Variants in ADCY2 observed in about 807,000 individuals in gnomAD.
ADCY2 encodes the protein adenylate cyclase type 2.
Under a neutral mutation model 125.2 loss-of-function variants are expected in ADCY2, and 31 were observed. The observed-to-expected ratio is 0.25, with a 90% confidence interval of 0.19 to 0.33. ADCY2 has a LOEUF of 0.33. Ranked by LOEUF, ADCY2 falls within the 10% of genes least tolerant of loss-of-function variation. The probability of loss-of-function intolerance (pLI) is 1.00; values close to 1 mark genes in which losing one functional copy is unlikely to be tolerated. For synonymous variants in ADCY2, 512 were observed against 548.4 expected, an observed-to-expected ratio of 0.93 and a Z score of 0.93; for missense variants, 904 against 1,418.2, an observed-to-expected ratio of 0.64 and a Z score of 5.82.
At chr5:7,814,440 G>A (rs560941974) in intron 22 of ADCY2, among the ~76,000 whole-genome samples, 2 of 152,214 alleles carry the variant, frequency 1.3e-5, no homozygotes, top group African/African-American at 4.8e-5. Context: ...AGAGGCCAGG[G>A]ATGGTGTTAA....
In ADCY2 at chr5:7,695,863, G is replaced by T. The variant is rs775371186; in HGVS notation, c.981G>T (p.Lys327Asn). Reference protein sequence around the residue: ...ELFGKFDQIAKENECMRIKIL... With the variant: ...ELFGKFDQIANENECMRIKIL... ...TTGGAAAGTTTGATCAAATTGCAAA[G>T]GTGAGTATTATGGATTCTTTTCTTC... is the stretch of plus-strand genomic sequence containing the variant. Residue 327 changes from lysine (K) to asparagine (N), a missense_variant and splice_region_variant, in exon 6 of 25, where the codon AAG becomes AAT. Lys to Asn is a moderately conservative substitution (Grantham distance 94). Coordinates refer to ENST00000338316, the MANE Select transcript of ADCY2 (RefSeq NM_020546.3). 2 of 1,599,836 alleles carry T rather than the reference G, an allele frequency of 1.3e-6. No individual in the cohort carries two copies. The highest frequency in any genetic ancestry group is 4.5e-5 in the East Asian group (2 of 44,560).
intron 3 of ADCY2, among the ~76,000 whole-genome samples, chr5:7,536,783 A>T (rs1327135124): frequency 7.1e-6 from 1 of 141,000 alleles, no homozygotes; most frequent in African/African-American, 2.7e-5. Flanking sequence ...AGGAGAACAC[A>T]GGGACACAGG....
intron 5 of ADCY2, among the ~76,000 whole-genome samples, chr5:7,693,413 G>GTTTTTTTTTTTTTTTTTTTT (rs70940751): frequency 8.6e-4 from 28 of 32,400 alleles, no homozygotes; most frequent in South Asian, 2.2e-3. Context: ...GCTGTTTTTT[G>GTTTTTTTTTTTTTTTTTTTT]TTTTTTTTTT....
intron 4 of ADCY2, among the ~76,000 whole-genome samples, chr5:7,673,286 A>ATATATATATATATATATATAT (rs58505229): frequency 3.3e-4 from 18 of 53,860 alleles, no homozygotes; most frequent in East Asian, 7.9e-4. Context: ...ATATATATAT[A>ATATATATATATATATATATAT]AAATTAGCCA....
At chr5:7,402,942 T>C (rs926442534) in intron 1 of ADCY2, among the ~76,000 whole-genome samples, 2 of 152,160 alleles carry the variant, frequency 1.3e-5, no homozygotes, top group East Asian at 3.8e-4. Flanking sequence ...ATCAGCACTA[T>C]TGTAATGGGA....
rs764623123 is a variant in ADCY2 at position 7,727,149 on chromosome 5, C to A, written c.1774-15C>A. On this transcript the variant is annotated splice_polypyrimidine_tract_variant and intron_variant, in intron 13 of 24. Coordinates refer to ENST00000338316, the MANE Select transcript of ADCY2 (RefSeq NM_020546.3). ...TTGGAGAACTGTCACTCACAGGTTC[C>A]TTTCTCCCCCTCAGTACCGGGCCAC... The A allele has an allele frequency of 1.2e-6, 2 of 1,604,382 alleles. No individual in the cohort carries two copies. The highest frequency in any genetic ancestry group is 1.7e-6 in the Non-Finnish European group (2 of 1,172,880).
At chr5:7,693,248 G>A (rs1242651502) in intron 5 of ADCY2, among the ~76,000 whole-genome samples, 1 of 152,012 alleles carries the variant, frequency 6.6e-6, no homozygotes, top group Non-Finnish European at 1.5e-5. Flanking sequence ...TAACTGACCT[G>A]CCTGCGTCCA....
At chr5:7,441,790 T>C (rs1045006262) in intron 2 of ADCY2, among the ~76,000 whole-genome samples, 9 of 152,202 alleles carry the variant, frequency 5.9e-5, no homozygotes. Flanking sequence ...AAGAGGTGGT[T>C]CTTGAAATTC....
At chr5:7,438,419 G>C (rs866993937) in intron 2 of ADCY2, among the ~76,000 whole-genome samples, 13 of 152,346 alleles carry the variant, frequency 8.5e-5, no homozygotes, top group African/African-American at 2.9e-4. Flanking sequence ...TTAGAAGATG[G>C]AGAGTATTGT....
chr5:7,466,939 T>C (rs1450784408), intron 2 of ADCY2, among the ~76,000 whole-genome samples: 2 of 152,168 alleles, frequency 1.3e-5, no homozygotes, highest in Non-Finnish European at 2.9e-5. Context: ...TAAAGTGGTA[T>C]GCATTTAGTA....
chr5:7,742,461 TTGTG>T, intron 14 of ADCY2, among the ~76,000 whole-genome samples: 1 of 152,274 alleles, frequency 6.6e-6, no homozygotes, highest in South Asian at 2.1e-4. Context: ...TTTGAAAGCA[TTGTG>T]AGTCATGTCT....
intron 3 of ADCY2, among the ~76,000 whole-genome samples, chr5:7,612,899 C>G (rs1268676257): frequency 6.6e-6 from 1 of 152,074 alleles, no homozygotes; most frequent in Non-Finnish European, 1.5e-5. Context: ...GCCTGTAGCC[C>G]CAGCTACTTG....
At chr5:7,716,690 T>C (rs947097565) in intron 11 of ADCY2, among the ~76,000 whole-genome samples, 3 of 152,152 alleles carry the variant, frequency 2.0e-5, no homozygotes, top group Non-Finnish European at 4.4e-5. Flanking sequence ...CATAGAAAAA[T>C]AGGCTTACTG....
chr5:7,747,148 C>T (rs1003174196), intron 15 of ADCY2, among the ~76,000 whole-genome samples: 6 of 152,322 alleles, frequency 3.9e-5, no homozygotes, highest in Middle Eastern at 3.4e-3. Context: ...CCGAGGCATG[C>T]CCCATGCTGG....
At chr5:7,820,540 C>T in intron 23 of ADCY2, 25 bp from the exon 24 acceptor site, 2 of 1,612,694 alleles carry the variant, frequency 1.2e-6, no homozygotes, top group South Asian at 1.1e-5. Context: ...ATGAATCTTG[C>T]TAACTCAACT....
chr5:7,521,044 A>T (rs1744428791), intron 3 of ADCY2, 145 bp downstream of exon 3: 1 of 898,242 alleles, frequency 1.1e-6, no homozygotes, highest in African/African-American at 1.7e-5. Context: ...CCCCTATAAC[A>T]CTGAGGAGCC....
intron 4 of ADCY2, among the ~76,000 whole-genome samples, chr5:7,652,667 G>A (rs1739138624): frequency 6.6e-6 from 1 of 152,240 alleles, no homozygotes; most frequent in Admixed American, 6.5e-5. Context: ...AAAGCTCAAA[G>A]ATGTTGAGTG....
chr5:7,599,021 C>T (rs570960498), intron 3 of ADCY2, among the ~76,000 whole-genome samples: 14 of 152,194 alleles, frequency 9.2e-5, no homozygotes, highest in Non-Finnish European at 1.6e-4. Context: ...GGTGGTCTTG[C>T]GCTCATTTGC....
intron 4 of ADCY2, among the ~76,000 whole-genome samples, chr5:7,665,417 C>T (rs921789897): frequency 9.2e-5 from 14 of 152,146 alleles, no homozygotes; most frequent in Non-Finnish European, 1.5e-5. Context: ...ACCCCAAACA[C>T]GCACCCCACT....
Sources: gnomAD v4.1 joint callset for allele counts (sites outside exome capture counted in the v4.1 genomes callset) on GRCh38, gnomAD v4.1.1 for gene constraint, MANE v1.5 for transcripts, NCBI Gene and HGNC (gene_info 2026-07-23, HGNC 2026-07-21) for gene names.